The following SOCS2 variants were observed in gnomAD, a reference collection of about 807,000 sequenced individuals.
The protein encoded by SOCS2 is CIS-2.
A neutral mutation model predicts 18.6 loss-of-function variants in SOCS2; 10 were observed. That is an observed-to-expected ratio of 0.54 (90% CI 0.33 to 0.91). The LOEUF (loss-of-function observed/expected upper bound fraction) is 0.91, where lower values mean the gene tolerates loss of function less well. Ranked by LOEUF, SOCS2 falls within the 40% of genes least tolerant of loss-of-function variation. SOCS2 has a pLI of 0.02. For synonymous variants in SOCS2, 104 were observed against 104.0 expected, an observed-to-expected ratio of 1.00 and a Z score of 0.00; for missense variants, 231 against 247.2, an observed-to-expected ratio of 0.93 and a Z score of 0.44.
chr12:93,614,428 TCC>T, the SOCS2 span, among the ~76,000 whole-genome samples: 181 of 75,416 alleles, frequency 2.4e-3, 4 homozygotes, highest in African/African-American at 4.8e-3. Context: ...TTCCTTTCTT[TCC>T]CTTCCTTCCT....
chr12:93,602,966 G>A, the SOCS2 span, among the ~76,000 whole-genome samples: 4 of 152,166 alleles, frequency 2.6e-5, no homozygotes, highest in African/African-American at 9.7e-5. Flanking sequence ...TGCTGGGCCT[G>A]CTTTACTGGG....
the SOCS2 span, among the ~76,000 whole-genome samples, chr12:93,619,215 G>A: frequency 4.6e-5 from 7 of 152,144 alleles, no homozygotes; most frequent in Non-Finnish European, 7.4e-5. Flanking sequence ...GGGGACAAGC[G>A]GTGACTGGGT....
rs1188774617 is a variant in SOCS2 at position 93,575,664 on chromosome 12, T to C, written c.*485T>C. The C allele has an allele frequency of 6.5e-6, 1 of 153,084 alleles. No individual in the cohort carries two copies. The highest frequency in any genetic ancestry group is 2.4e-5 in the African/African-American group (1 of 41,464). 9.5% of individuals were successfully genotyped at this position (153,084 alleles called of 1,614,324 possible). Reference sequence around the variant, plus strand: ...TTTGCATTCTGATGTACCTAGGAGTTTTGTTAAACAGATGATGTATGTGAG... The same window carrying C: ...TTTGCATTCTGATGTACCTAGGAGTCTTGTTAAACAGATGATGTATGTGAG... On this transcript the variant is annotated 3_prime_UTR_variant, in exon 2 of 2. Coordinates refer to ENST00000551556, the MANE Select transcript of SOCS2 (RefSeq NM_001270471.2).
chr12:93,601,494 A>G, the SOCS2 span, among the ~76,000 whole-genome samples: 4 of 151,918 alleles, frequency 2.6e-5, no homozygotes, highest in Non-Finnish European at 5.9e-5. Flanking sequence ...TTTTTTGTAG[A>G]GACTGGATTT....
the SOCS2 span, among the ~76,000 whole-genome samples, chr12:93,599,420 C>T: frequency 6.6e-6 from 1 of 152,060 alleles, no homozygotes; most frequent in Admixed American, 6.5e-5. Flanking sequence ...CTTTGGCCTC[C>T]CAAAGCGCTA....
chr12:93,582,587 C>T (rs1386980388), intron 1 of SOCS2, among the ~76,000 whole-genome samples: 2 of 152,156 alleles, frequency 1.3e-5, no homozygotes, highest in African/African-American at 4.8e-5. Context: ...TTGAGTCACA[C>T]AGATTGCACG....
rs774806277 is a variant in SOCS2 at position 93,575,074 on chromosome 12, G to A, written c.492G>A (p.Gln164=). The A allele has an allele frequency of 6.2e-7, 1 of 1,613,944 alleles. No individual in the cohort carries two copies. The highest frequency in any genetic ancestry group is 8.5e-7 in the Non-Finnish European group (1 of 1,179,972). The change falls in exon 2 of 2, where the codon CAG becomes CAA. Residue 164 remains glutamine (Q), a synonymous_variant. Coordinates refer to ENST00000551556, the MANE Select transcript of SOCS2 (RefSeq NM_001270471.2). The stretch of plus-strand genomic sequence containing the variant: ...TCTACACGTCAGCACCATCTCTGCA[G>A]CATCTCTGTAGGCTCACCATTAACA... The part of the protein sequence containing the change: ...KPLYTSAPSL[Q]HLCRLTINKC...
At chr12:93,613,928 A>G in the SOCS2 span, among the ~76,000 whole-genome samples, 2 of 152,202 alleles carry the variant, frequency 1.3e-5, no homozygotes, top group Non-Finnish European at 1.5e-5. Context: ...ACCCTCCCAA[A>G]AAAGAATAGA....
At chr12:93,625,269 T>TAAATGCTA in the SOCS2 span, among the ~76,000 whole-genome samples, 1 of 152,088 alleles carries the variant, frequency 6.6e-6, no homozygotes, top group South Asian at 2.1e-4. Context: ...TCTCTGTCAT[T>TAAATGCTA]AAAATGCTAA....
the SOCS2 span, among the ~76,000 whole-genome samples, chr12:93,590,733 G>A: frequency 7.8e-6 from 1 of 127,636 alleles, no homozygotes; most frequent in African/African-American, 3.0e-5. Flanking sequence ...AGGCAGAGCC[G>A]AGATGGCGCC....
upstream of SOCS2, chr12:93,571,049 C>G (rs1232578453): frequency 6.5e-6 from 1 of 154,332 alleles, no homozygotes; most frequent in African/African-American, 2.4e-5. Context: ...TAACTCTTGC[C>G]AAGTCTCGTC....
the SOCS2 span, among the ~76,000 whole-genome samples, chr12:93,606,943 A>G: frequency 6.6e-6 from 1 of 152,286 alleles, no homozygotes; most frequent in East Asian, 1.9e-4. Flanking sequence ...GTGAGCTACC[A>G]CAACCGACCC....
chr12:93,600,697 G>T, the SOCS2 span, among the ~76,000 whole-genome samples: 2 of 144,670 alleles, frequency 1.4e-5, no homozygotes, highest in Non-Finnish European at 3.0e-5. Context: ...TGTTAAATCT[G>T]TTTATAAGTT....
the SOCS2 span, among the ~76,000 whole-genome samples, chr12:93,614,492 C>CTTCCTTCT: frequency 5.5e-3 from 195 of 35,514 alleles, 24 homozygotes; most frequent in Admixed American, 0.022. Context: ...TCCTTCCTTC[C>CTTCCTTCT]TTCCTTCCTT....
chr12:93,580,446 C>G (rs1356428925), downstream of SOCS2, among the ~76,000 whole-genome samples: 2 of 151,826 alleles, frequency 1.3e-5, no homozygotes, highest in South Asian at 4.2e-4. Context: ...CATGGCGAAA[C>G]CACATCTCTA....
chr12:93,599,605 T>G, the SOCS2 span, among the ~76,000 whole-genome samples: 1 of 152,244 alleles, frequency 6.6e-6, no homozygotes, highest in Non-Finnish European at 1.5e-5. Flanking sequence ...CCCCCAGAGT[T>G]AATCCCCAGT....
chr12:93,594,106 A>G, the SOCS2 span, among the ~76,000 whole-genome samples: 2 of 152,206 alleles, frequency 1.3e-5, no homozygotes, highest in African/African-American at 4.8e-5. Flanking sequence ...TGCTTTAGAA[A>G]TTCAAAAATA....
chr12:93,623,246 A>G, the SOCS2 span, among the ~76,000 whole-genome samples: 1 of 150,284 alleles, frequency 6.7e-6, no homozygotes, highest in Non-Finnish European at 1.5e-5. Flanking sequence ...CCTCTCACTC[A>G]CTCCTTTCTC....
At chr12:93,590,579 G>A in the SOCS2 span, among the ~76,000 whole-genome samples, 1 of 151,360 alleles carries the variant, frequency 6.6e-6, no homozygotes, top group African/African-American at 2.4e-5. Context: ...GGCGGATCAC[G>A]AGGTCAGGAG....
Sources: gnomAD v4.1 joint callset for allele counts (sites outside exome capture counted in the v4.1 genomes callset) on GRCh38, gnomAD v4.1.1 for gene constraint, MANE v1.5 for transcripts, NCBI Gene and HGNC (gene_info 2026-07-23, HGNC 2026-07-21) for gene names.